ASNS: variants seen among roughly 807,000 people sequenced by gnomAD.
ASNS encodes the protein asparagine synthetase (glutamine-hydrolyzing).
A neutral mutation model predicts 62.6 loss-of-function variants in ASNS; 37 were observed. That is an observed-to-expected ratio of 0.59 (90% CI 0.45 to 0.78). The LOEUF is 0.78. Ranked by LOEUF, ASNS falls within the 30% of genes least tolerant of loss-of-function variation. ASNS has a pLI of 0.00. For synonymous variants in ASNS, 207 were observed against 237.9 expected (o/e 0.87, Z 1.19); for missense variants, 520 against 682.4 (o/e 0.76, Z 2.65).
In ASNS at chr7:97,852,107, C is replaced by T. The variant is rs1426239247; in HGVS notation, c.*152G>A. 1.2e-5 allele frequency: 10 copies of T among 804,752 alleles called. No homozygotes were observed. The highest frequency in any genetic ancestry group is 1.9e-5 in the Non-Finnish European group (10 of 514,734). 49.9% of individuals were successfully genotyped at this position (804,752 alleles called of 1,614,324 possible). ...ACCTCTTATGAAGAGACTGCATGAACATAAATGACTACAGCAATGGTTTAG... is the reference window on the plus strand; with the variant it reads ...ACCTCTTATGAAGAGACTGCATGAATATAAATGACTACAGCAATGGTTTAG... On this transcript the variant is annotated 3_prime_UTR_variant, in exon 13 of 13. Transcript: ENST00000394308.
the ASNS span, among the ~76,000 whole-genome samples, chr7:97,896,629 T>C: frequency 7.6e-6 from 1 of 131,524 alleles, no homozygotes; most frequent in South Asian, 2.5e-4. Context: ...CATATATATA[T>C]GTATATATAT....
At chr7:97,871,243 T>C (rs1425954779) in intron 1 of ASNS, among the ~76,000 whole-genome samples, 3 of 152,364 alleles carry the variant, frequency 2.0e-5, no homozygotes, top group South Asian at 4.1e-4. Context: ...CAAAATCCAG[T>C]GTATTTAACA....
chr7:97,914,590 C>T, the ASNS span, among the ~76,000 whole-genome samples: 1 of 152,108 alleles, frequency 6.6e-6, no homozygotes. Flanking sequence ...CAAGACTTCC[C>T]CAATCATGGG....
chr7:97,912,748 A>C, the ASNS span, among the ~76,000 whole-genome samples: 1 of 151,018 alleles, frequency 6.6e-6, no homozygotes, highest in Admixed American at 6.6e-5. Context: ...ACACCTGGCT[A>C]ATTTTTGTAT....
chr7:97,892,235 GGC>G, the ASNS span, among the ~76,000 whole-genome samples: 3 of 152,170 alleles, frequency 2.0e-5, no homozygotes, highest in Non-Finnish European at 4.4e-5. Context: ...CAGCTGGAGT[GGC>G]TAGGACTCAG....
chr7:97,859,120 T>C, intron 5 of ASNS, 93 bp downstream of exon 5: 1 of 1,502,256 alleles, frequency 6.7e-7, no homozygotes, highest in Non-Finnish European at 8.9e-7. Flanking sequence ...AAGTAGGTCT[T>C]GAAACTAAAA....
chr7:97,918,758 T>G, the ASNS span, among the ~76,000 whole-genome samples: 2 of 151,972 alleles, frequency 1.3e-5, no homozygotes, highest in Admixed American at 6.6e-5. Flanking sequence ...GAGGGGAACA[T>G]CACACACCGG....
the ASNS span, among the ~76,000 whole-genome samples, chr7:97,912,357 T>C: frequency 6.6e-6 from 1 of 152,092 alleles, no homozygotes; most frequent in Non-Finnish European, 1.5e-5. Context: ...GAGTTTTTTG[T>C]TTGTTTGTTT....
At chr7:97,918,545 T>C in the ASNS span, among the ~76,000 whole-genome samples, 154 of 152,348 alleles carry the variant, frequency 1.0e-3, no homozygotes, top group African/African-American at 3.5e-3. Context: ...GTCAAAGACA[T>C]GCTGCCTGAA....
upstream of ASNS, among the ~76,000 whole-genome samples, chr7:97,874,847 G>A (rs28756005): frequency 7.9e-5 from 12 of 151,058 alleles, no homozygotes; most frequent in Middle Eastern, 3.3e-3. Flanking sequence ...ATGACCACAC[G>A]TGTGTCTTGC....
At chr7:97,903,055 C>A in the ASNS span, among the ~76,000 whole-genome samples, 204 of 152,186 alleles carry the variant, frequency 1.3e-3, no homozygotes, top group Non-Finnish European at 2.1e-3. Context: ...CACAGGGAAC[C>A]CCCACACATA....
At chr7:97,900,039 T>C in the ASNS span, among the ~76,000 whole-genome samples, 10 of 152,196 alleles carry the variant, frequency 6.6e-5, no homozygotes, top group Non-Finnish European at 1.5e-4. Context: ...TACCACTTCA[T>C]ACCCATAAGC....
At chr7:97,864,603 G>T in intron 3 of ASNS, 107 bp from the exon 4 acceptor site, 1 of 769,712 alleles carries the variant, frequency 1.3e-6, no homozygotes, top group Non-Finnish European at 2.2e-6. Flanking sequence ...ATCCTTTCAT[G>T]CACTTTGGTG....
the ASNS span, among the ~76,000 whole-genome samples, chr7:97,892,933 G>A: frequency 6.6e-6 from 1 of 152,108 alleles, no homozygotes; most frequent in African/African-American, 2.4e-5. Flanking sequence ...ACATATTCAG[G>A]TATCTTTTAG....
chr7:97,864,475 C>T lies in ASNS; in HGVS notation c.271G>A (p.Glu91Lys). 6.2e-7 allele frequency: 1 copy of T among 1,613,752 alleles called. No individual in the cohort carries two copies. Among genetic ancestry groups the T allele is most frequent in the African/African-American group, 1.3e-5 (1 of 75,032 alleles). Reference sequence around the variant, plus strand: ...TCACCATCCACTTTGGTCTGGTATTCAAATTCAAAATGCTGTTGCATCTTA... The same window carrying T: ...TCACCATCCACTTTGGTCTGGTATTTAAATTCAAAATGCTGTTGCATCTTA... Reference protein sequence around the residue: ...HKKMQQHFEFEYQTKVDGEII... With the variant: ...HKKMQQHFEFKYQTKVDGEII... Residue 91 changes from glutamate (E) to lysine (K), a missense_variant, in exon 4 of 13, where the codon GAA becomes AAA. By Grantham distance (56) the Glu-to-Lys change is moderately conservative (BLOSUM62 1). Coordinates refer to ENST00000394308, the MANE Select transcript of ASNS (RefSeq NM_001673.5).
At chr7:97,900,417 G>T in the ASNS span, among the ~76,000 whole-genome samples, 12 of 144,866 alleles carry the variant, frequency 8.3e-5, no homozygotes, top group African/African-American at 2.8e-4. Context: ...AGGATGCAGA[G>T]AAATTAGAAC....
intron 12 of ASNS, among the ~76,000 whole-genome samples, chr7:97,852,786 T>C (rs1213743029): frequency 6.6e-6 from 1 of 151,776 alleles, no homozygotes; most frequent in East Asian, 1.9e-4. Flanking sequence ...AAGTCTCCTC[T>C]CTCTCTCGAT....
At position 97,852,178 on chromosome 7, in the gene ASNS, C is replaced by T; in HGVS notation, c.*81G>A. 2 of 1,484,068 alleles carry T rather than the reference C, an allele frequency of 1.3e-6. No individual in the cohort carries two copies. The highest frequency in any genetic ancestry group is 1.8e-6 in the Non-Finnish European group (2 of 1,083,744). The allele number at this position is 1,484,068 out of a possible 1,614,324, so 91.9% of individuals were successfully genotyped here. A position where few individuals can be genotyped will look rare whatever the true frequency, so the allele number is the denominator to read the frequency against. ...TCACACCCAAGTTAGCCTGAGTTGA[C>T]TCTCATTGTTCCCCTATCTACCCAC... On this transcript the variant is annotated 3_prime_UTR_variant, in exon 13 of 13. Transcript: ENST00000394308.
At chr7:97,885,869 T>C in the ASNS span, 1 of 469,498 alleles carries the variant, frequency 2.1e-6, no homozygotes, top group East Asian at 4.5e-5. Flanking sequence ...CATTTCAGAA[T>C]GATGGCAGCA....
Sources: allele counts gnomAD v4.1 joint callset (sites outside exome capture counted in the v4.1 genomes callset), GRCh38; gene constraint gnomAD v4.1.1; transcripts MANE v1.5; gene names NCBI Gene and HGNC (gene_info 2026-07-23, HGNC 2026-07-21).